Variants in NEB observed in about 807,000 individuals in gnomAD.
NEB encodes the protein nemaline myopathy type 2.
In NEB, 512 loss-of-function variants were observed where a neutral mutation model predicts 952.2. The observed-to-expected ratio is 0.54, with a 90% CI of 0.50 to 0.58. The LOEUF (loss-of-function observed/expected upper bound fraction) is 0.58. Among genes scored for constraint, NEB ranks in the 20% least tolerant of loss-of-function variants. NEB has a pLI of 0.00. For synonymous variants in NEB, 2,900 were observed against 3,149.8 expected, an observed-to-expected ratio of 0.92 and a Z score of 2.66; for missense variants, 8,428 against 9,231.1, an observed-to-expected ratio of 0.91 and a Z score of 3.56.
At chr2:151,707,229 T>A (rs2099709971) in intron 12 of NEB, among the ~76,000 whole-genome samples, 1 of 152,162 alleles carries the variant, frequency 6.6e-6, no homozygotes, top group Non-Finnish European at 1.5e-5. Context: ...ATCCATAGGG[T>A]GTCAATTCTG....
rs1353022102 is a variant in NEB, at chr2:151,691,915, C to T, written c.2160G>A (p.Gln720=). ...EEDKGKCYFP[Q]TITQEYEAIK... ...TTGCTTCATATTCTTGTGTTATTGT[C>T]TGAGGGAAATAGCATTTTCCTTTAT... Residue 720 remains glutamine (Q), a synonymous_variant, in exon 23 of 182, where the codon CAG becomes CAA. Coordinates refer to ENST00000397345, the MANE Select transcript of NEB (RefSeq NM_001164508.2). 2.5e-6 allele frequency: 4 copies of T among 1,607,518 alleles called. No homozygotes were observed. The highest frequency in any genetic ancestry group is 3.4e-6 in the Non-Finnish European group (4 of 1,176,074).
chr2:151,500,730 T>TGAGA (rs2153055716), intron 168 of NEB, among the ~76,000 whole-genome samples: 1 of 151,840 alleles, frequency 6.6e-6, no homozygotes, highest in South Asian at 2.1e-4. Flanking sequence ...CCCAAGTAGC[T>TGAGA]GAGACTACAG....
intron 171 of NEB, 37 bp downstream of exon 171, chr2:151,497,589 T>C (rs1301996234): frequency 1.0e-5 from 16 of 1,542,372 alleles, no homozygotes; most frequent in African/African-American, 1.4e-5. Flanking sequence ...TTCAAAATCA[T>C]TAAATAAGTA....
chr2:151,677,374 A>G (rs988627612), intron 34 of NEB, among the ~76,000 whole-genome samples, 191 bp downstream of exon 34: 1 of 152,228 alleles, frequency 6.6e-6, no homozygotes, highest in Non-Finnish European at 1.5e-5. Flanking sequence ...TTAAAAAGGA[A>G]GATAAAAAGC....
At position 151,671,058 on chromosome 2, in the gene NEB, C is replaced by T. The variant is rs7426114; in HGVS notation, c.4471G>A (p.Val1491Met). 0.79 allele frequency: 1,273,303 copies of T among 1,613,714 alleles called. 519,826 individuals carry two copies. Among genetic ancestry groups the T allele is most frequent in the Non-Finnish European group, 0.84 (994,413 of 1,179,796 alleles). The change falls in exon 38 of 182, where the codon GTG becomes ATG. Residue 1491 changes from valine to methionine, a missense_variant. Around this residue, in one of 11 missense-constraint regions of NEB, gnomAD observed 2,851 missense variants for 2,791.5 expected, o/e 1.02. Transcript: ENST00000397345. ...TGCTTTGTGTTATGCTGAGCCAACACCATGCCCATGGAATCAGGCACACTT... is the reference window on the plus strand; with the variant it reads ...TGCTTTGTGTTATGCTGAGCCAACATCATGCCCATGGAATCAGGCACACTT... ...FTSVPDSMGM[V>M]LAQHNTKQLS... is the part of the protein sequence containing the mutation.
chr2:151,707,250 G>A (rs535039142), intron 12 of NEB, among the ~76,000 whole-genome samples: 2 of 152,164 alleles, frequency 1.3e-5, no homozygotes, highest in East Asian at 3.9e-4. Context: ...TTTCTGGCTT[G>A]GGGACAGATA....
Position 151,529,091 on chromosome 2 carries a change from C to A in NEB, c.21735+119G>T, listed in dbSNP as rs2088702531. ...CATTGTTCATGCTCCTGGGGCCTGA[C>A]TCTTGCTTTGGAATCAATCACTAGA... On this transcript the variant is annotated intron_variant, in intron 146 of 181. Coordinates refer to ENST00000397345, the MANE Select transcript of NEB (RefSeq NM_001164508.2). The A allele has an allele frequency of 1.2e-5, 9 of 726,880 alleles. No individual in the cohort carries two copies. In the South Asian group the frequency reaches 1.4e-4, roughly 11 times the overall value. The allele number at this position is 726,880 out of a possible 1,614,324, so 45.0% of individuals were successfully genotyped here. A position where few individuals can be genotyped will look rare whatever the true frequency, so the allele number is the denominator to read the frequency against.
intron 179 of NEB, 36 bp from the exon 180 acceptor site, chr2:151,490,554 A>G (rs967969345): frequency 5.0e-6 from 8 of 1,598,310 alleles, no homozygotes; most frequent in Admixed American, 3.4e-5. Context: ...TGTAGCAAAC[A>G]TGAAATTTCT....
At position 151,562,746 on chromosome 2, in the gene NEB, C is replaced by A. The variant is rs773616525; in HGVS notation, c.18756G>T (p.Met6252Ile). 6.2e-7 allele frequency: 1 copy of A among 1,600,426 alleles called. No individual in the cohort carries two copies. The highest frequency in any genetic ancestry group is 1.1e-5 in the South Asian group (1 of 88,448). Residue 6252 changes from methionine (M) to isoleucine (I), a missense_variant, in exon 120 of 182, where the codon ATG becomes ATT. Met to Ile is a conservative substitution (Grantham distance 10). This residue lies in a region of NEB where 3,374 missense variants were observed against 3,651.5 expected (regional missense o/e 0.92). Coordinates refer to ENST00000397345, the MANE Select transcript of NEB (RefSeq NM_001164508.2). ...GGCACCTTTTAGCCAGCACGTGATTCATCATGTCATTGGGGATATGAACAT... is the reference window on the plus strand; with the variant it reads ...GGCACCTTTTAGCCAGCACGTGATTAATCATGTCATTGGGGATATGAACAT... ...KANVHIPNDM[M>I]NHVLAKRCQY...
Position 151,519,689 on chromosome 2 carries a change from A to C in NEB, c.22559T>G (p.Val7520Gly). 6.2e-7 allele frequency: 1 copy of C among 1,612,588 alleles called. No homozygotes were observed. Among genetic ancestry groups the C allele is most frequent in the Non-Finnish European group, 8.5e-7 (1 of 1,178,848 alleles). The change falls in exon 154 of 182, where the codon GTC (valine) becomes GGC (glycine). Residue 7520 changes from valine (V) to glycine (G), a missense_variant. Physicochemically the swap from Val to Gly is moderately radical, Grantham distance 109 (BLOSUM62 -3). Around this residue, in one of 11 missense-constraint regions of NEB, gnomAD observed 3,374 missense variants for 3,651.5 expected, o/e 0.92. Coordinates refer to ENST00000397345, the MANE Select transcript of NEB (RefSeq NM_001164508.2). ...TGCAAGATTATTAGCATCTTTCATG[A>C]CTTTGTAGAGCTGGCTGTCTTTTGG... ...YNPKDSQLYK[V>G]MKDANNLASE...
intron 45 of NEB, 127 bp from the exon 46 acceptor site, chr2:151,662,468 T>TCAAGCAAATATTGAAG: frequency 1.3e-6 from 1 of 772,516 alleles, no homozygotes; most frequent in Non-Finnish European, 1.9e-6. Flanking sequence ...ACTTCAATAT[T>TCAAGCAAATATTGAAG]TGCTTGAATA....
chr2:151,715,778 C>T (rs372726513), intron 10 of NEB, among the ~76,000 whole-genome samples: 1 of 152,240 alleles, frequency 6.6e-6, no homozygotes, highest in Non-Finnish European at 1.5e-5. Flanking sequence ...CTTATATACT[C>T]AGTTTATACT....
chr2:151,680,077 G>T, intron 30 of NEB, 55 bp from the exon 31 acceptor site: 1 of 1,287,882 alleles, frequency 7.8e-7, no homozygotes, highest in South Asian at 1.2e-5. Flanking sequence ...AAAATTTAAT[G>T]GCACCAGAAA....
intron 169 of NEB, 33 bp downstream of exon 169, chr2:151,499,265 A>T: frequency 9.0e-7 from 1 of 1,117,130 alleles, no homozygotes; most frequent in Non-Finnish European, 1.3e-6. Flanking sequence ...ACATTTTTTT[A>T]AATAATTAAA....
rs561682789 is a variant in NEB at position 151,629,452 on chromosome 2, T to C, written c.9831+87A>G. Reference sequence around the variant, plus strand: ...AGAAAAACAAGCCAATAAATGTGCTTAAACTGGCCCCCAAATGTTATAATA... The same window carrying C: ...AGAAAAACAAGCCAATAAATGTGCTCAAACTGGCCCCCAAATGTTATAATA... On this transcript the variant is annotated intron_variant, in intron 68 of 181. Coordinates refer to ENST00000397345, the MANE Select transcript of NEB (RefSeq NM_001164508.2). 258 of 1,136,424 alleles carry C rather than the reference T, an allele frequency of 2.3e-4. No homozygotes were observed. In the African/African-American group the frequency reaches 3.6e-3, roughly 16 times the overall value. The allele number at this position is 1,136,424 out of a possible 1,614,324, so 70.4% of individuals were successfully genotyped here. A position where few individuals can be genotyped will look rare whatever the true frequency, so the allele number is the denominator to read the frequency against.
chr2:151,660,108 TCAA>T (rs1006317202), intron 46 of NEB, among the ~76,000 whole-genome samples: 5 of 152,090 alleles, frequency 3.3e-5, no homozygotes, highest in African/African-American at 1.2e-4. Context: ...ATAACCACAT[TCAA>T]CAACTCATCG....
chr2:151,489,949 A>G, intron 181 of NEB, 22 bp downstream of exon 181: 1 of 1,510,422 alleles, frequency 6.6e-7, no homozygotes, highest in Non-Finnish European at 9.2e-7. Flanking sequence ...TAATTTATTT[A>G]AGTGAGTTGT....
In NEB at chr2:151,629,519, T is replaced by A. The variant is rs981561454; in HGVS notation, c.9831+20A>T. The A allele has an allele frequency of 8.9e-6, 14 of 1,570,870 alleles. No individual in the cohort carries two copies. Among genetic ancestry groups the A allele is most frequent in the Admixed American group, 1.7e-5 (1 of 59,938 alleles). ...CCCACTTCATCCATCCATGTAAATA[T>A]CTAGGGTGTTGCTACTCACATCACT... On this transcript the variant is annotated intron_variant, in intron 68 of 181. Transcript: ENST00000397345.
intron 181 of NEB, 145 bp downstream of exon 181, chr2:151,489,826 C>T: frequency 2.0e-6 from 1 of 502,804 alleles, no homozygotes; most frequent in Non-Finnish European, 3.5e-6. Flanking sequence ...TTTCTGATAT[C>T]ATTAATATGA....
Sources: allele counts gnomAD v4.1 joint callset (sites outside exome capture counted in the v4.1 genomes callset), GRCh38; gene constraint gnomAD v4.1.1; regional missense constraint gnomAD v4.1.1; transcripts MANE v1.5; gene names NCBI Gene and HGNC (gene_info 2026-07-23, HGNC 2026-07-21).